The following TPTE variants were observed in gnomAD, a reference collection of about 807,000 sequenced individuals.
TPTE encodes transmembrane phosphatase with tensin homology.
TPTE carries 59 observed loss-of-function variants against 84.1 expected under a neutral mutation model. The ratio of observed to expected loss-of-function variants is 0.70; its 90% CI spans 0.57 to 0.87. TPTE has a LOEUF of 0.87. Ranked by LOEUF, TPTE falls within the 40% of genes least tolerant of loss-of-function variation. The pLI, the probability that TPTE is intolerant of heterozygous loss-of-function variation, is 0.00. For missense variants in TPTE, 382 were observed against 659.6 expected (o/e 0.58, Z 4.61); for synonymous variants, 130 against 223.5 (o/e 0.58, Z 3.73).
chr21:10,596,753 G>A (rs1229438820), intron 20 of TPTE, among the ~76,000 whole-genome samples: 3 of 152,312 alleles, frequency 2.0e-5, no homozygotes. Flanking sequence ...GATGGTGCCA[G>A]TGCTGGGTGC....
intron 2 of TPTE, among the ~76,000 whole-genome samples, chr21:10,526,287 T>C (rs2074077506): frequency 6.6e-6 from 1 of 152,310 alleles, no homozygotes; most frequent in Non-Finnish European, 1.5e-5. Context: ...ATTTGAACTC[T>C]GGCACTCCTT....
intron 8 of TPTE, among the ~76,000 whole-genome samples, chr21:10,556,567 A>T (rs1309996279): frequency 6.6e-6 from 1 of 152,312 alleles, no homozygotes; most frequent in Non-Finnish European, 1.5e-5. Context: ...CAGTAATAGG[A>T]TGGCTGGGTC....
chr21:10,527,133 CCTCTCTCTCTCT>C (rs59412977), intron 2 of TPTE, among the ~76,000 whole-genome samples: 1 of 148,502 alleles, frequency 6.7e-6, no homozygotes, highest in Non-Finnish European at 1.5e-5. Context: ...TTCTGTGTCC[CCTCTCTCTCTCT>C]CTCTCTCTCT....
At chr21:10,594,469 C>A (rs2145784038) in intron 19 of TPTE, among the ~76,000 whole-genome samples, 1 of 152,430 alleles carries the variant, frequency 6.6e-6, no homozygotes, top group African/African-American at 2.4e-5. Flanking sequence ...GTAGTGAGTG[C>A]CTCCTATGTG....
chr21:10,590,204 A>T (rs1300967437), intron 17 of TPTE, among the ~76,000 whole-genome samples: 1 of 152,310 alleles, frequency 6.6e-6, no homozygotes, highest in Non-Finnish European at 1.5e-5. Context: ...TATAGATTTT[A>T]GTAAAAACCT....
chr21:10,553,311 G>C (rs2074616996), intron 8 of TPTE, among the ~76,000 whole-genome samples: 1 of 152,300 alleles, frequency 6.6e-6, no homozygotes, highest in African/African-American at 2.4e-5. Flanking sequence ...TTTTTCTTCT[G>C]CTTCTTTCTT....
chr21:10,557,928 C>T (rs1469028883), intron 8 of TPTE, among the ~76,000 whole-genome samples: 1 of 152,304 alleles, frequency 6.6e-6, no homozygotes, highest in Non-Finnish European at 1.5e-5. Context: ...CTTAAGTAGA[C>T]CCCAGTGTCT....
Position 10,605,500 on chromosome 21 carries a change from T to A in TPTE, c.1604T>A (p.Ile535Lys). Residue 535 changes from isoleucine (I) to lysine (K), a missense_variant, in exon 24 of 24, where the codon ATA (isoleucine) becomes AAA (lysine). By Grantham distance (102) the Ile-to-Lys change is moderately radical. Coordinates refer to ENST00000618007, the MANE Select transcript of TPTE (RefSeq NM_199261.4). ...RIYPSDFAVE[I>K]LFGEKMTSSD... is the part of the protein sequence containing the mutation. The stretch of plus-strand genomic sequence containing the variant: ...TATCCATCAGATTTTGCCGTGGAGA[T>A]ACTTTTTGGCGAGAAAATGACTTCC... 1 of 1,614,242 alleles carries A rather than the reference T, an allele frequency of 6.2e-7. No individual in the cohort carries two copies. The highest frequency in any genetic ancestry group is 8.5e-7 in the Non-Finnish European group (1 of 1,180,020).
chr21:10,562,041 G>A (rs2074816159), intron 10 of TPTE, among the ~76,000 whole-genome samples: 1 of 152,302 alleles, frequency 6.6e-6, no homozygotes, highest in Non-Finnish European at 1.5e-5. Flanking sequence ...AGAACAGAGA[G>A]AGAGACTCTG....
intron 7 of TPTE, among the ~76,000 whole-genome samples, chr21:10,550,234 C>T (rs1291246115): frequency 6.6e-6 from 1 of 152,312 alleles, no homozygotes; most frequent in African/African-American, 2.4e-5. Flanking sequence ...TCCTCACCTA[C>T]CAATAATAAC....
Position 10,598,084 on chromosome 21 carries a change from G to A in TPTE, c.1346G>A (p.Gly449Glu), listed in dbSNP as rs749783984. 6.2e-7 allele frequency: 1 copy of A among 1,613,730 alleles called. No individual in the cohort carries two copies. Residue 449 changes from glycine to glutamate, a missense_variant, in exon 21 of 24, where the codon GGA (glycine) becomes GAA (glutamate). Gly to Glu is a moderately conservative substitution (Grantham distance 98, BLOSUM62 -2). Around this residue, in one of 10 missense-constraint regions of TPTE, gnomAD observed 13 missense variants for 46.7 expected, o/e 0.28. Transcript: ENST00000618007. ...GTTGTCTTTTCCACTATTTCATTAG[G>A]AAAATGTTCGGTAAGAGAAAACATG... is the stretch of plus-strand genomic sequence containing the variant. The part of the protein sequence containing the change: ...KKVVFSTISL[G>E]KCSVLDNITT...
At chr21:10,556,375 T>A (rs1466380517) in intron 8 of TPTE, among the ~76,000 whole-genome samples, 1 of 152,312 alleles carries the variant, frequency 6.6e-6, no homozygotes, top group Non-Finnish European at 1.5e-5. Flanking sequence ...CATGAACTCA[T>A]CCTTTTTTAT....
At chr21:10,557,725 T>C (rs2074711171) in intron 8 of TPTE, among the ~76,000 whole-genome samples, 1 of 152,308 alleles carries the variant, frequency 6.6e-6, no homozygotes, top group Admixed American at 6.5e-5. Context: ...ACATCCTTCA[T>C]CAAAGGCCAA....
chr21:10,596,045 C>T lies in TPTE; in HGVS notation c.1234C>T (p.Arg412Trp), dbSNP rs143510517. ...CTACAACTGGAATCTCCCTCCAAGA[C>T]GGATACTCTTTATAAAACACTTCAT... ...HLYNWNLPPR[R>W]ILFIKHFIIY... is the part of the protein sequence containing the mutation. Residue 412 changes from arginine to tryptophan, a missense_variant, in exon 20 of 24, where the codon CGG (arginine) becomes TGG (tryptophan). Coordinates refer to ENST00000618007, the MANE Select transcript of TPTE (RefSeq NM_199261.4). The T allele has an allele frequency of 4.4e-4, 715 of 1,611,204 alleles. No individual in the cohort carries two copies. The African/African-American group carries it at 8.6e-3, about 19-fold the overall frequency.
In TPTE at chr21:10,603,603, G is replaced by T; in HGVS notation, c.1491G>T (p.Trp497Cys). Residue 497 changes from tryptophan to cysteine, a missense_variant, in exon 23 of 24, where the codon TGG (tryptophan) becomes TGT (cysteine). By Grantham distance (215) the Trp-to-Cys change is radical. This residue lies in a region of TPTE where 120 missense variants were observed against 79.1 expected (regional missense o/e 1.52). Coordinates refer to ENST00000618007, the MANE Select transcript of TPTE (RefSeq NM_199261.4). ...ATGACAATTGCTCATTTTACTTCTG[G>T]TTGCACACATCTTTTATTGAAAATA... The part of the protein sequence containing the change: ...TYYDNCSFYF[W>C]LHTSFIENNR... 2 of 1,612,540 alleles carry T rather than the reference G, an allele frequency of 1.2e-6. No homozygotes were observed. Among genetic ancestry groups the T allele is most frequent in the Admixed American group, 1.7e-5 (1 of 59,984 alleles).
chr21:10,549,563 A>G (rs2074533605), intron 7 of TPTE, among the ~76,000 whole-genome samples: 1 of 152,306 alleles, frequency 6.6e-6, no homozygotes. Flanking sequence ...AAAAAATACA[A>G]TCAATGGCTT....
chr21:10,550,152 A>G (rs1161592159), intron 7 of TPTE, among the ~76,000 whole-genome samples: 1 of 152,310 alleles, frequency 6.6e-6, no homozygotes, highest in African/African-American at 2.4e-5. Context: ...CAACATTACA[A>G]GAAATGCCCA....
At chr21:10,522,091 G>T (rs534469720) in intron 1 of TPTE, among the ~76,000 whole-genome samples, 6 of 152,148 alleles carry the variant, frequency 3.9e-5, no homozygotes, top group African/African-American at 1.2e-4. Flanking sequence ...GCGCCCGCCC[G>T]GTCCTGCGGA....
rs111752701 is a variant in TPTE at position 10,524,592 on chromosome 21, C to T, written c.-198C>T. ...TTCTCCCTCTTAGAGAATGTTGGACCGACGACACAAGACCTCAGACTTGTG... is the reference window on the plus strand; with the variant it reads ...TTCTCCCTCTTAGAGAATGTTGGACTGACGACACAAGACCTCAGACTTGTG... On this transcript the variant is annotated 5_prime_UTR_variant, in exon 2 of 24. It introduces an in-frame stop codon into an upstream open reading frame of the 5' UTR. Transcript: ENST00000618007. 2,948 of 151,486 alleles carry T rather than the reference C, an allele frequency of 0.019. No homozygotes were observed. The highest frequency in any genetic ancestry group is 0.058 in the African/African-American group (2,357 of 40,662). 9.4% of individuals were successfully genotyped at this position (151,486 alleles called of 1,614,324 possible). A position where few individuals can be genotyped will look rare whatever the true frequency, so the allele number is the denominator to read the frequency against.
Sources: allele counts gnomAD v4.1 joint callset (sites outside exome capture counted in the v4.1 genomes callset), GRCh38; gene constraint gnomAD v4.1.1; regional missense constraint gnomAD v4.1.1; transcripts MANE v1.5; gene names NCBI Gene and HGNC (gene_info 2026-07-23, HGNC 2026-07-21).